FGF12: variants seen among roughly 807,000 people sequenced by gnomAD.
The protein encoded by FGF12 is fibroblast growth factor 12B.
In FGF12, 14 loss-of-function variants were observed where a neutral mutation model predicts 23.6. The observed-to-expected ratio is 0.59, with a 90% CI of 0.39 to 0.93. The LOEUF (loss-of-function observed/expected upper bound fraction) is 0.93, where lower values mean the gene tolerates loss of function less well. Among genes scored for constraint, FGF12 ranks in the 40% least tolerant of loss-of-function variants. The pLI, the probability that FGF12 is intolerant of heterozygous loss-of-function variation, is 0.00. For missense variants in FGF12, 175 were observed against 217.8 expected (o/e 0.80, Z 1.24); for synonymous variants, 62 against 77.3 (o/e 0.80, Z 1.04).
chr3:192,529,424 G>C (rs1453233702), intron 2 of FGF12, among the ~76,000 whole-genome samples: 4 of 152,160 alleles, frequency 2.6e-5, no homozygotes, highest in African/African-American at 9.7e-5. Context: ...AAAGCCATTT[G>C]ACAAGTCTCT....
At chr3:192,583,232 G>C (rs563089795) in intron 2 of FGF12, among the ~76,000 whole-genome samples, 2 of 152,234 alleles carry the variant, frequency 1.3e-5, no homozygotes, top group Admixed American at 6.5e-5. Flanking sequence ...CTGGCTTCGT[G>C]CTCTCTTATA....
chr3:192,453,656 T>C (rs1266924774), intron 2 of FGF12, among the ~76,000 whole-genome samples: 1 of 152,182 alleles, frequency 6.6e-6, no homozygotes, highest in African/African-American at 2.4e-5. Context: ...ATTTTTTTTG[T>C]CAGGATTTAG....
intron 2 of FGF12, among the ~76,000 whole-genome samples, chr3:192,403,752 T>C (rs1275068032): frequency 6.6e-6 from 1 of 152,146 alleles, no homozygotes; most frequent in Admixed American, 6.5e-5. Context: ...TCATATTCCA[T>C]AAATCACATG....
chr3:192,696,101 G>A (rs1718113454), intron 2 of FGF12, among the ~76,000 whole-genome samples: 1 of 151,948 alleles, frequency 6.6e-6, no homozygotes, highest in South Asian at 2.1e-4. Flanking sequence ...TCTGTTTAAT[G>A]GTGGGCTATG....
At chr3:192,632,353 A>C (rs1407952203) in intron 2 of FGF12, among the ~76,000 whole-genome samples, 1 of 152,248 alleles carries the variant, frequency 6.6e-6, no homozygotes, top group Non-Finnish European at 1.5e-5. Context: ...GACTAAAAAA[A>C]ACCACTGCCA....
chr3:192,370,874 G>A (rs946698111), intron 2 of FGF12, among the ~76,000 whole-genome samples: 8 of 152,160 alleles, frequency 5.3e-5, no homozygotes, highest in African/African-American at 1.4e-4. Context: ...TCCCAAATCC[G>A]AATCCGAATC....
chr3:192,534,600 C>T (rs894622976), intron 2 of FGF12, among the ~76,000 whole-genome samples: 37 of 152,084 alleles, frequency 2.4e-4, no homozygotes, highest in African/African-American at 8.4e-4. Context: ...TGATGTTGGC[C>T]GGACTGGTAC....
At chr3:192,534,345 T>C (rs1725176024) in intron 2 of FGF12, among the ~76,000 whole-genome samples, 1 of 152,140 alleles carries the variant, frequency 6.6e-6, no homozygotes, top group East Asian at 1.9e-4. Context: ...TTTCTAATCA[T>C]TTAATCATAT....
intron 5 of FGF12, among the ~76,000 whole-genome samples, chr3:192,157,920 T>C (rs2108597352): frequency 6.6e-6 from 1 of 152,298 alleles, no homozygotes. Flanking sequence ...TAAAAATAGA[T>C]ACTTTTAGTG....
chr3:192,656,002 A>C (rs2886787), intron 2 of FGF12, among the ~76,000 whole-genome samples: 2 of 144,010 alleles, frequency 1.4e-5, no homozygotes, highest in African/African-American at 5.2e-5. Context: ...GAAACGTTAC[A>C]TGCCAGAAAA....
At chr3:192,450,520 T>C (rs1722490327) in intron 2 of FGF12, among the ~76,000 whole-genome samples, 2 of 152,182 alleles carry the variant, frequency 1.3e-5, no homozygotes, top group Admixed American at 6.5e-5. Context: ...TAACTTTTGA[T>C]GAAATAAACT....
intron 2 of FGF12, among the ~76,000 whole-genome samples, chr3:192,542,149 A>C (rs1036517503): frequency 9.3e-5 from 14 of 150,364 alleles, no homozygotes; most frequent in African/African-American, 3.4e-4. Flanking sequence ...CTGGGATTAC[A>C]GGTGTGAGCC....
chr3:192,360,053 T>A lies in FGF12; in HGVS notation c.124+375A>T, dbSNP rs1225849407. Among the ~76,000 whole-genome samples, 1 of 152,126 alleles carries A rather than the reference T, an allele frequency of 6.6e-6. No homozygotes were observed. The highest frequency in any genetic ancestry group is 1.5e-5 in the Non-Finnish European group (1 of 68,002). The stretch of plus-strand genomic sequence containing the variant: ...TTCTAAGAAATATAGAACTTGTTCA[T>A]TATTGAACTATAACTTGTTCATCAC... On this transcript the variant is annotated intron_variant, in intron 3 of 5. Transcript: ENST00000445105. The surrounding 1 kb of genome is among the most constrained non-coding windows in gnomAD (Gnocchi z 4.3).
intron 4 of FGF12, among the ~76,000 whole-genome samples, chr3:192,224,532 T>G (rs1302600507): frequency 6.6e-6 from 1 of 152,122 alleles, no homozygotes; most frequent in Non-Finnish European, 1.5e-5. Context: ...AAAGAAATGG[T>G]TAACAAGTAA....
intron 4 of FGF12, among the ~76,000 whole-genome samples, chr3:192,235,386 C>CA (rs1415569780): frequency 6.6e-6 from 1 of 152,174 alleles, no homozygotes; most frequent in Non-Finnish European, 1.5e-5. Flanking sequence ...TGGCTCACTG[C>CA]AACCTCCACC....
intron 4 of FGF12, among the ~76,000 whole-genome samples, chr3:192,285,511 G>C (rs1029887841): frequency 6.6e-6 from 1 of 151,520 alleles, no homozygotes; most frequent in Non-Finnish European, 1.5e-5. Flanking sequence ...TTCAAAAATG[G>C]CCTATGTAAA....
chr3:192,662,551 C>T (rs1716711677), intron 2 of FGF12, among the ~76,000 whole-genome samples: 2 of 152,176 alleles, frequency 1.3e-5, no homozygotes, highest in South Asian at 4.1e-4. Flanking sequence ...GGAGGTCTGA[C>T]TTGGATCCTC....
intron 2 of FGF12, among the ~76,000 whole-genome samples, chr3:192,607,246 C>T (rs1209329072): frequency 1.3e-5 from 2 of 152,110 alleles, no homozygotes; most frequent in African/African-American, 4.8e-5. Context: ...CCATGAAATC[C>T]ACCTTATCCA....
chr3:192,581,474 A>ATG (rs889932633), intron 2 of FGF12, among the ~76,000 whole-genome samples: 135 of 121,586 alleles, frequency 1.1e-3, no homozygotes, highest in African/African-American at 3.9e-3. Context: ...ATGTATATAT[A>ATG]TGTGTGTGTG....
Sources: allele counts gnomAD v4.1 joint callset (sites outside exome capture counted in the v4.1 genomes callset), GRCh38; gene constraint gnomAD v4.1.1; non-coding constraint Gnocchi (gnomAD v3.1); transcripts MANE v1.5; gene names NCBI Gene and HGNC (gene_info 2026-07-23, HGNC 2026-07-21).